WIPI1: variants seen among roughly 807,000 people sequenced by gnomAD.
WIPI1 encodes the protein WD repeat domain phosphoinositide-interacting protein 1.
In WIPI1, 45 loss-of-function variants were observed where a neutral mutation model predicts 55.3. That is an observed-to-expected ratio of 0.81 (90% CI 0.64 to 1.04). WIPI1 has a LOEUF of 1.04. Among genes scored for constraint, WIPI1 ranks in the 50% least tolerant of loss-of-function variants. The probability of loss-of-function intolerance (pLI) is 0.00; values close to 1 mark genes in which losing one functional copy is unlikely to be tolerated. For missense variants in WIPI1, 445 were observed against 559.0 expected (o/e 0.80, Z 2.06); for synonymous variants, 195 against 217.6 (o/e 0.90, Z 0.92).
intron 4 of WIPI1, among the ~76,000 whole-genome samples, chr17:68,437,010 A>ATGTGTGTGTGTGTGTGTGTGTG (rs758693659): frequency 1.3e-5 from 1 of 77,910 alleles, no homozygotes; most frequent in Non-Finnish European, 2.7e-5. Context: ...AAAAAAATAT[A>ATGTGTGTGTGTGTGTGTGTGTG]TATATATGTG....
At chr17:68,434,338 A>G (rs572810334) in intron 7 of WIPI1, among the ~76,000 whole-genome samples, 1 of 152,148 alleles carries the variant, frequency 6.6e-6, no homozygotes, top group South Asian at 2.1e-4. Flanking sequence ...TCAAAAAGGG[A>G]CTCTCACGGC....
rs541439682 is a variant in WIPI1, at chr17:68,431,393, A to C, written c.801-1233T>G. On this transcript the variant is annotated intron_variant, in intron 8 of 12. Transcript: ENST00000262139. ...GCATGGAGCCCGGCACGTGGCGCAT[A>C]CTGTTTTATGGGATGGTGTCTCTGT... Among the ~76,000 whole-genome samples, 8 of 151,866 alleles carry C rather than the reference A, an allele frequency of 5.3e-5. No individual in the cohort carries two copies. In the East Asian group the frequency reaches 1.4e-3, roughly 26 times the overall value.
chr17:68,455,225 T>G (rs2084616558), intron 1 of WIPI1, among the ~76,000 whole-genome samples: 1 of 151,876 alleles, frequency 6.6e-6, no homozygotes, highest in Non-Finnish European at 1.5e-5. Context: ...TAGCTGAGTG[T>G]GGTGGTACAC....
intron 4 of WIPI1, among the ~76,000 whole-genome samples, chr17:68,443,415 C>T (rs932074676): frequency 6.6e-6 from 1 of 152,124 alleles, no homozygotes; most frequent in Non-Finnish European, 1.5e-5. Flanking sequence ...ACCCGGCTAG[C>T]TTTGTTCTTT....
intron 4 of WIPI1, among the ~76,000 whole-genome samples, chr17:68,439,472 A>G (rs2147920762): frequency 6.6e-6 from 1 of 152,268 alleles, no homozygotes; most frequent in East Asian, 1.9e-4. Flanking sequence ...GGGGTTGCCT[A>G]TGGCTGGGGG....
chr17:68,423,031 C>T lies in WIPI1; in HGVS notation c.1294-1211G>A, dbSNP rs149308152. 4.5e-4 allele frequency among the ~76,000 whole-genome samples: 68 copies of T among 152,212 alleles called. 1 individual carries two copies. The East Asian group carries it at 0.012, about 26-fold the overall frequency. On this transcript the variant is annotated intron_variant, in intron 12 of 12. Transcript: ENST00000262139. The surrounding 1 kb of genome is among the most constrained non-coding windows in gnomAD (Gnocchi z 4.4). The stretch of plus-strand genomic sequence containing the variant: ...TCTGAAAAGATCACTAGTGATGACC[C>T]GCGTTCTTAAGGCAGCGGCTCACAG...
intron 4 of WIPI1, among the ~76,000 whole-genome samples, chr17:68,437,293 AC>A (rs2083857528): frequency 6.6e-6 from 1 of 151,954 alleles, no homozygotes; most frequent in Non-Finnish European, 1.5e-5. Flanking sequence ...GGTGGCCCAC[AC>A]CTGTGATCCC....
chr17:68,437,005 A>ATATATATATATAT (rs1555801304), intron 4 of WIPI1, among the ~76,000 whole-genome samples: 26 of 107,260 alleles, frequency 2.4e-4, no homozygotes, highest in East Asian at 1.6e-3. Context: ...AAAAAAAAAA[A>ATATATATATATAT]ATATATATAT....
intron 4 of WIPI1, among the ~76,000 whole-genome samples, chr17:68,437,016 A>ATGTGTGTGTGTGTGTGTG (rs71142180): frequency 0.023 from 3,396 of 144,590 alleles, 156 homozygotes; most frequent in African/African-American, 0.082. Flanking sequence ...ATATATATAT[A>ATGTGTGTGTGTGTGTGTG]TGTGTGTGTG....
chr17:68,421,736 T>TA lies in WIPI1; in HGVS notation c.*36dup, dbSNP rs2082788966. Reference sequence around the variant, plus strand: ...CCTTGTTTTCTCCAAAACCACCTGATAGGGGGGATGTCCTGATTTCTGAGG... The same window carrying TA: ...CCTTGTTTTCTCCAAAACCACCTGATAAGGGGGGATGTCCTGATTTCTGAGG... On this transcript the variant is annotated 3_prime_UTR_variant, in exon 13 of 13. Transcript: ENST00000262139. The TA allele has an allele frequency of 1.9e-6, 3 of 1,613,970 alleles. No individual in the cohort carries two copies. The highest frequency in any genetic ancestry group is 2.5e-6 in the Non-Finnish European group (3 of 1,179,910).
At chr17:68,426,254 G>GGGGGGGGGGGCCCCCCCCC in intron 11 of WIPI1, 79 bp from the exon 12 acceptor site, 1 of 816,910 alleles carries the variant, frequency 1.2e-6, no homozygotes. Context: ...GGGAGCGGGG[G>GGGGGGGGGGGCCCCCCCCC]CTCAAATAAA....
intron 4 of WIPI1, among the ~76,000 whole-genome samples, chr17:68,441,351 T>C (rs543664593): frequency 2.9e-4 from 44 of 152,350 alleles, no homozygotes; most frequent in African/African-American, 1.0e-3. Context: ...TCTGTATAGC[T>C]AATTTACTTG....
chr17:68,437,299 G>T lies in WIPI1; in HGVS notation c.431-820C>A, dbSNP rs576913015. Among the ~76,000 whole-genome samples, 9 of 152,126 alleles carry T rather than the reference G, an allele frequency of 5.9e-5. No individual in the cohort carries two copies. In the South Asian group the frequency reaches 1.7e-3, roughly 28 times the overall value. The stretch of plus-strand genomic sequence containing the variant: ...GCCAGGCAAGGTGGCCCACACCTGT[G>T]ATCCCAGCACTTTGGCAGGCCGAGG... On this transcript the variant is annotated intron_variant, in intron 4 of 12. Coordinates refer to ENST00000262139, the MANE Select transcript of WIPI1 (RefSeq NM_017983.7).
At position 68,426,131 on chromosome 17, in the gene WIPI1, C is replaced by A; in HGVS notation, c.1237G>T (p.Glu413Ter). The change falls in exon 12 of 13, where the codon GAA becomes TAA. Residue 413 changes from glutamate (E) to a stop codon, truncating the protein, a stop_gained. Transcript: ENST00000262139. LOFTEE classifies it high-confidence loss of function. ...GGALRGEVIP[E>*]HEFATGPVCL... ...ACTGGTCCCGTCGCAAACTCATGTTCAGGAATAACTTCTCCTCGCAGCGCC... is the reference window on the plus strand; with the variant it reads ...ACTGGTCCCGTCGCAAACTCATGTTAAGGAATAACTTCTCCTCGCAGCGCC... 6.2e-7 allele frequency: 1 copy of A among 1,612,216 alleles called. No homozygotes were observed. Among genetic ancestry groups the A allele is most frequent in the Non-Finnish European group, 8.5e-7 (1 of 1,179,924 alleles).
intron 2 of WIPI1, 129 bp downstream of exon 2, chr17:68,452,781 A>G (rs2084544088): frequency 7.1e-6 from 5 of 704,376 alleles, no homozygotes; most frequent in Non-Finnish European, 1.1e-5. Flanking sequence ...AAATCTAAAA[A>G]TCTTGACTCC....
intron 8 of WIPI1, among the ~76,000 whole-genome samples, chr17:68,431,948 C>G (rs1004127468): frequency 1.3e-5 from 2 of 152,172 alleles, no homozygotes; most frequent in Non-Finnish European, 2.9e-5. Context: ...TGAACGGCAT[C>G]TTAACAGCTC....
intron 1 of WIPI1, among the ~76,000 whole-genome samples, chr17:68,453,552 C>T (rs1003775991): frequency 4.7e-5 from 7 of 150,002 alleles, no homozygotes; most frequent in Admixed American, 4.7e-4. Context: ...CATCACAGCT[C>T]ACTCCAACCT....
intron 8 of WIPI1, among the ~76,000 whole-genome samples, chr17:68,430,541 T>TG (rs1189071265): frequency 6.6e-6 from 1 of 152,172 alleles, no homozygotes; most frequent in African/African-American, 2.4e-5. Context: ...GCCGGGCTCA[T>TG]GGAAGAACAG....
chr17:68,440,815 C>T (rs2084042198), intron 4 of WIPI1: 1 of 152,186 alleles, frequency 6.6e-6, no homozygotes, highest in South Asian at 2.1e-4. Context: ...TATTGCATGT[C>T]AAACTTTAGG....
Sources: gnomAD v4.1 joint callset for allele counts (sites outside exome capture counted in the v4.1 genomes callset) on GRCh38, gnomAD v4.1.1 for gene constraint, Gnocchi (gnomAD v3.1) non-coding constraint, MANE v1.5 for transcripts, NCBI Gene and HGNC (gene_info 2026-07-23, HGNC 2026-07-21) for gene names.